The following VRTN variants were observed in gnomAD, a reference collection of about 807,000 sequenced individuals.
VRTN encodes the protein vertebrae development associated.
In VRTN, 5 loss-of-function variants were observed where a neutral mutation model predicts 18.2. The observed-to-expected ratio is 0.27, with a 90% CI of 0.14 to 0.58. The LOEUF (loss-of-function observed/expected upper bound fraction) is 0.58. Among genes scored for constraint, VRTN ranks in the 20% least tolerant of loss-of-function variants. The pLI, the probability that VRTN is intolerant of heterozygous loss-of-function variation, is 0.91. For synonymous variants in VRTN, 381 were observed against 393.7 expected (o/e 0.97, Z 0.38); for missense variants, 741 against 939.4 (o/e 0.79, Z 2.76).
Position 74,358,197 on chromosome 14 carries a change from G to A in VRTN, c.1414G>A (p.Val472Ile). ...GCTAGCATCTGTTGGGGAAGGGGCT[G>A]TAATTCCTTGGAAGAGTGAGGCGGA... ...PQLASVGEGA[V>I]IPWKSEAEEG... The change falls in exon 2 of 2, where the codon GTA becomes ATA. Residue 472 changes from valine (V) to isoleucine (I), a missense_variant. Val to Ile is a conservative substitution (Grantham distance 29). Coordinates refer to ENST00000256362, the MANE Select transcript of VRTN (RefSeq NM_018228.3). The surrounding 1 kb of genome is among the most constrained non-coding windows in gnomAD (Gnocchi z 5.4). 6.2e-7 allele frequency: 1 copy of A among 1,613,552 alleles called. No individual in the cohort carries two copies. Among genetic ancestry groups the A allele is most frequent in the Non-Finnish European group, 8.5e-7 (1 of 1,179,794 alleles).
chr14:74,343,026 C>T (rs553817428), intron 2 of VRTN, among the ~76,000 whole-genome samples: 11 of 152,224 alleles, frequency 7.2e-5, no homozygotes, highest in African/African-American at 2.6e-4. Flanking sequence ...AATTTTTCAC[C>T]TATTAGATTG....
intron 1 of VRTN, among the ~76,000 whole-genome samples, chr14:74,325,098 C>T (rs537286007): frequency 6.6e-6 from 1 of 152,078 alleles, no homozygotes; most frequent in African/African-American, 2.4e-5. Context: ...GCCCTGGCTG[C>T]AGGTTTTTCG....
At chr14:74,355,045 G>C (rs968060162) in intron 1 of VRTN, among the ~76,000 whole-genome samples, 1 of 151,442 alleles carries the variant, frequency 6.6e-6, no homozygotes, top group African/African-American at 2.4e-5. Context: ...GGGTGGCTGA[G>C]GCAGGCAAAT....
chr14:74,314,476 A>G (rs1256046935), intron 1 of VRTN, among the ~76,000 whole-genome samples: 5 of 143,310 alleles, frequency 3.5e-5, no homozygotes, highest in Admixed American at 3.0e-4. Context: ...GGCTCACTGC[A>G]ACCTTCACCT....
rs923264058 is a variant in VRTN at position 74,354,964 on chromosome 14, A to G, written c.-1-1819A>G. On this transcript the variant is annotated intron_variant, in intron 1 of 1. Coordinates refer to ENST00000256362, the MANE Select transcript of VRTN (RefSeq NM_018228.3). Reference sequence around the variant, plus strand: ...TGAGACCAGCCTGGCCAACATGGTGAAACCCCGTCTCTACTAAAATTACAA... The same window carrying G: ...TGAGACCAGCCTGGCCAACATGGTGGAACCCCGTCTCTACTAAAATTACAA... Among the ~76,000 whole-genome samples, 14 of 151,788 alleles carry G rather than the reference A, an allele frequency of 9.2e-5. No individual in the cohort carries two copies. In the East Asian group the frequency reaches 2.5e-3, roughly 28 times the overall value.
At chr14:74,303,701 T>C (rs2085194095) in intron 1 of VRTN, among the ~76,000 whole-genome samples, 1 of 152,124 alleles carries the variant, frequency 6.6e-6, no homozygotes, top group Non-Finnish European at 1.5e-5. Context: ...TCCCTAAATT[T>C]GAATCTGGAT....
intron 1 of VRTN, among the ~76,000 whole-genome samples, chr14:74,316,476 G>A (rs2085420069): frequency 6.6e-6 from 1 of 151,380 alleles, no homozygotes; most frequent in Non-Finnish European, 1.5e-5. Context: ...TCACGCCACT[G>A]CACTCCAGCC....
At chr14:74,340,541 CCAATGAG>C (rs2085597878) in intron 2 of VRTN, among the ~76,000 whole-genome samples, 1 of 152,140 alleles carries the variant, frequency 6.6e-6, no homozygotes, top group East Asian at 1.9e-4. Flanking sequence ...CCATACCCGG[CCAATGAG>C]AAGCCTTTTG....
intron 1 of VRTN, among the ~76,000 whole-genome samples, chr14:74,332,261 G>T (rs974642909): frequency 1.4e-5 from 2 of 147,880 alleles, no homozygotes; most frequent in African/African-American, 5.0e-5. Context: ...TGCTTACCTG[G>T]CTTTCACACC....
At chr14:74,303,592 G>C (rs895690298) in intron 1 of VRTN, among the ~76,000 whole-genome samples, 21 of 152,118 alleles carry the variant, frequency 1.4e-4, no homozygotes, top group African/African-American at 5.1e-4. Context: ...AGATAAGATA[G>C]ATAGTTGAAT....
In VRTN at chr14:74,358,783, G is replaced by A; in HGVS notation, c.2000G>A (p.Ser667Asn). ...LFLQKRFQSK[S>N]FPSYKEFSAL... ...TTGCAGAAGCGCTTCCAGTCCAAGA[G>A]CTTTCCCTCCTACAAGGAGTTCAGT... Residue 667 changes from serine (S) to asparagine (N), a missense_variant, in exon 2 of 2, where the codon AGC (serine) becomes AAC (asparagine). Ser to Asn is a conservative substitution (Grantham distance 46, BLOSUM62 1). This residue lies in a region of VRTN where 61 missense variants were observed against 104.6 expected (regional missense o/e 0.58). Coordinates refer to ENST00000256362, the MANE Select transcript of VRTN (RefSeq NM_018228.3). The surrounding 1 kb of genome is among the most constrained non-coding windows in gnomAD (Gnocchi z 5.4). The A allele has an allele frequency of 1.2e-6, 2 of 1,614,222 alleles. No homozygotes were observed. The highest frequency in any genetic ancestry group is 1.7e-6 in the Non-Finnish European group (2 of 1,180,036).
chr14:74,339,742 A>G (rs2085588507), intron 2 of VRTN, among the ~76,000 whole-genome samples: 1 of 152,162 alleles, frequency 6.6e-6, no homozygotes, highest in African/African-American at 2.4e-5. Context: ...TGAGCCCAGT[A>G]TTTTGAGGCT....
chr14:74,355,645 G>A (rs1267384834), intron 1 of VRTN, among the ~76,000 whole-genome samples: 3 of 151,896 alleles, frequency 2.0e-5, no homozygotes, highest in African/African-American at 7.3e-5. Context: ...AGTGATTCTC[G>A]TGCCTCAGCC....
In VRTN at chr14:74,357,336, C is replaced by T. The variant is rs762560330; in HGVS notation, c.553C>T (p.Arg185Trp). The change falls in exon 2 of 2, where the codon CGG becomes TGG. Residue 185 changes from arginine to tryptophan, a missense_variant. Arg to Trp is a moderately radical substitution (Grantham distance 101). This residue lies in a region of VRTN where 186 missense variants were observed against 288.3 expected (regional missense o/e 0.65). Transcript: ENST00000256362. This position sits in a 1 kb window ranked among gnomAD's most constrained non-coding sequence, Gnocchi z 7.8. ...HLYALASVLQ[R>W]NIYSIYPMRN... ...GTATGCTCTCGCCTCTGTCCTCCAG[C>T]GGAACATCTACTCCATCTACCCCAT... The T allele has an allele frequency of 1.4e-5, 23 of 1,613,978 alleles. No individual in the cohort carries two copies. Among genetic ancestry groups the T allele is most frequent in the Middle Eastern group, 1.6e-4 (1 of 6,084 alleles).
chr14:74,355,833 CTT>C (rs75088178), intron 1 of VRTN, among the ~76,000 whole-genome samples: 1 of 145,168 alleles, frequency 6.9e-6, no homozygotes. Context: ...TGGCCTCTCT[CTT>C]TTTTTTTTTT....
intron 1 of VRTN, among the ~76,000 whole-genome samples, chr14:74,311,325 T>C (rs2085387215): frequency 1.3e-5 from 2 of 152,200 alleles, no homozygotes; most frequent in Admixed American, 6.6e-5. Flanking sequence ...TTTATATATA[T>C]GCAAACTTAT....
chr14:74,340,301 G>A (rs1008681705), intron 2 of VRTN, among the ~76,000 whole-genome samples: 11 of 152,038 alleles, frequency 7.2e-5, no homozygotes, highest in Admixed American at 1.3e-4. Context: ...TAGTAGAGAC[G>A]GTGTTTCTCC....
intron 1 of VRTN, among the ~76,000 whole-genome samples, chr14:74,322,871 C>T (rs140446712): frequency 2.6e-4 from 39 of 152,248 alleles, no homozygotes; most frequent in African/African-American, 7.2e-4. Flanking sequence ...CGGTGGCTCA[C>T]GCCTGTAATC....
Position 74,315,275 on chromosome 14 carries a change from G to A in VRTN, c.-164+12099G>A, listed in dbSNP as rs2358636. On this transcript the variant is annotated intron_variant, in intron 1 of 2. Coordinates refer to the VRTN transcript ENST00000557177. ...GTCGCCCAGGCTGGCTTGTAGCGGT[G>A]TGATCTTGGCTCACTGCAACCTCCA... Among the ~76,000 whole-genome samples, 979 of 152,270 alleles carry A rather than the reference G, an allele frequency of 6.4e-3. 9 individuals are homozygous for A. Among genetic ancestry groups the A allele is most frequent in the African/African-American group, 0.022 (927 of 41,560 alleles).
Sources: gnomAD v4.1 joint callset for allele counts (sites outside exome capture counted in the v4.1 genomes callset) on GRCh38, gnomAD v4.1.1 for gene constraint, gnomAD v4.1.1 regional missense constraint, Gnocchi (gnomAD v3.1) non-coding constraint, MANE v1.5 for transcripts, NCBI Gene and HGNC (gene_info 2026-07-23, HGNC 2026-07-21) for gene names.